Variants in FARP2 observed in about 807,000 individuals in gnomAD.
FARP2 encodes FERM, ARH/RhoGEF and pleckstrin domain protein 2.
FARP2 carries 111 observed loss-of-function variants against 130.5 expected under a neutral mutation model. That is an observed-to-expected ratio of 0.85 (90% CI 0.73 to 1.00). The LOEUF (loss-of-function observed/expected upper bound fraction) is 1.00. Among genes scored for constraint, FARP2 ranks in the 50% least tolerant of loss-of-function variants. The probability of loss-of-function intolerance (pLI) is 0.00; values close to 1 mark genes in which losing one functional copy is unlikely to be tolerated. For synonymous variants in FARP2, 504 were observed against 516.9 expected (o/e 0.98, Z 0.34); for missense variants, 1,385 against 1,346.3 (o/e 1.03, Z -0.45).
intron 26 of FARP2, chr2:241,493,753 C>T (rs544505361): frequency 1.2e-4 from 58 of 466,912 alleles, no homozygotes; most frequent in African/African-American, 1.0e-3. Context: ...CACGCCACGC[C>T]GCCTGGCTAA....
chr2:241,416,000 T>C (rs942515019), intron 7 of FARP2, among the ~76,000 whole-genome samples: 4 of 95,654 alleles, frequency 4.2e-5, no homozygotes, highest in Non-Finnish European at 1.0e-4. Context: ...TGTGTGTGTG[T>C]GTGTGTGTGT....
intron 8 of FARP2, among the ~76,000 whole-genome samples, chr2:241,419,591 A>G (rs970812521): frequency 7.2e-5 from 11 of 152,172 alleles, no homozygotes; most frequent in African/African-American, 2.7e-4. Context: ...AGATGAGGAT[A>G]GCAGCAATGT....
intron 23 of FARP2, 58 bp downstream of exon 23, chr2:241,491,237 T>G (rs1204559366): frequency 7.8e-7 from 1 of 1,281,590 alleles, no homozygotes; most frequent in South Asian, 1.2e-5. Flanking sequence ...AGGCTTTTTT[T>G]GGAAACTGTT....
At chr2:241,374,705 G>C (rs539753721) in intron 2 of FARP2, among the ~76,000 whole-genome samples, 12 of 152,286 alleles carry the variant, frequency 7.9e-5, no homozygotes, top group Admixed American at 5.2e-4. Context: ...CAGGGAACCT[G>C]GGTGCTTTTC....
intron 18 of FARP2, among the ~76,000 whole-genome samples, chr2:241,474,513 G>A (rs1207312425): frequency 4.6e-5 from 7 of 151,454 alleles, no homozygotes; most frequent in Non-Finnish European, 1.5e-5. Flanking sequence ...GAAGGTGGCC[G>A]GGCATGGTGG....
At chr2:241,487,601 A>G (rs1257786583) in intron 21 of FARP2, among the ~76,000 whole-genome samples, 2 of 148,514 alleles carry the variant, frequency 1.3e-5, no homozygotes, top group Non-Finnish European at 3.0e-5. Context: ...TGGGAGGCGG[A>G]GGTTGCACTG....
At chr2:241,374,506 G>C (rs1170319395) in intron 2 of FARP2, among the ~76,000 whole-genome samples, 1 of 152,128 alleles carries the variant, frequency 6.6e-6, no homozygotes, top group African/African-American at 2.4e-5. Context: ...GAGGAGTCAA[G>C]ATGCCACACA....
chr2:241,470,985 T>TG (rs1439203688), intron 18 of FARP2, among the ~76,000 whole-genome samples: 5 of 150,414 alleles, frequency 3.3e-5, no homozygotes, highest in South Asian at 4.2e-4. Flanking sequence ...AATGTTATTC[T>TG]GGGGGGGACA....
intron 13 of FARP2, among the ~76,000 whole-genome samples, chr2:241,453,479 A>AGG (rs2063735326): frequency 6.9e-6 from 1 of 144,794 alleles, no homozygotes; most frequent in Non-Finnish European, 1.5e-5. Context: ...AAAATTAGCC[A>AGG]GGCATGGTGG....
chr2:241,487,234 C>G (rs2064773025), intron 21 of FARP2, among the ~76,000 whole-genome samples: 1 of 152,202 alleles, frequency 6.6e-6, no homozygotes, highest in African/African-American at 2.4e-5. Flanking sequence ...GGTTCTGTTT[C>G]TCTTACTCTA....
intron 2 of FARP2, among the ~76,000 whole-genome samples, chr2:241,401,790 C>CTT (rs565397468): frequency 7.3e-6 from 1 of 137,666 alleles, no homozygotes; most frequent in Non-Finnish European, 1.5e-5. Flanking sequence ...TTTACCAATT[C>CTT]TTTTTTTTTT....
At chr2:241,407,055 C>T (rs974845975) in intron 4 of FARP2, among the ~76,000 whole-genome samples, 3 of 150,484 alleles carry the variant, frequency 2.0e-5, no homozygotes, top group Non-Finnish European at 4.4e-5. Context: ...TGATCCGCCC[C>T]CCTCAGCCTC....
At chr2:241,476,541 T>G (rs2064470245) in intron 19 of FARP2, among the ~76,000 whole-genome samples, 1 of 151,836 alleles carries the variant, frequency 6.6e-6, no homozygotes, top group Non-Finnish European at 1.5e-5. Flanking sequence ...TACAAAAAAT[T>G]AGCAGGGCAT....
intron 18 of FARP2, among the ~76,000 whole-genome samples, chr2:241,471,977 GAGGCTGTTTTGAGGA>G (rs2064329845): frequency 1.5e-5 from 1 of 65,976 alleles, no homozygotes; most frequent in East Asian, 3.5e-4. Context: ...TTGTGAGCAG[GAGGCTGTTTTGAGGA>G]GAACCTGTTA....
intron 1 of FARP2, 90 bp downstream of exon 1, chr2:241,356,478 G>C (rs1226933975): frequency 2.6e-5 from 4 of 152,306 alleles, no homozygotes; most frequent in Non-Finnish European, 5.9e-5. Flanking sequence ...GAGAGGCCCA[G>C]GCGGGGGGGG....
At chr2:241,437,912 G>A (rs1201486726) in intron 12 of FARP2, among the ~76,000 whole-genome samples, 3 of 151,976 alleles carry the variant, frequency 2.0e-5, no homozygotes, top group East Asian at 1.9e-4. Flanking sequence ...TGATCTGCCC[G>A]CCTCGGCCTC....
At chr2:241,434,767 G>A (rs1301493156) in intron 10 of FARP2, among the ~76,000 whole-genome samples, 195 bp from the exon 11 acceptor site, 2 of 152,022 alleles carry the variant, frequency 1.3e-5, no homozygotes, top group Admixed American at 6.6e-5. Context: ...CATGAGAATC[G>A]CTTAAACCCA....
chr2:241,385,864 C>T (rs569747163), intron 2 of FARP2, among the ~76,000 whole-genome samples: 5 of 152,354 alleles, frequency 3.3e-5, no homozygotes, highest in African/African-American at 1.2e-4. Flanking sequence ...CACACCCCAT[C>T]TATATCACTA....
chr2:241,426,847 C>T (rs59715783), intron 8 of FARP2, among the ~76,000 whole-genome samples: 16,835 of 152,176 alleles, frequency 0.11, 1,185 homozygotes, highest in Non-Finnish European at 0.15. Context: ...CTGTGATTGT[C>T]CTTGGATTTT....
Sources: gnomAD v4.1 joint callset for allele counts (sites outside exome capture counted in the v4.1 genomes callset) on GRCh38, gnomAD v4.1.1 for gene constraint, MANE v1.5 for transcripts, NCBI Gene and HGNC (gene_info 2026-07-23, HGNC 2026-07-21) for gene names.